Variants in TBRG4 observed in about 807,000 individuals in gnomAD.
The protein encoded by TBRG4 is FAST kinase domain-containing protein 4.
Under a neutral mutation model 65.6 loss-of-function variants are expected in TBRG4, and 43 were observed. The observed-to-expected ratio is 0.66, with a 90% CI of 0.51 to 0.85. The LOEUF is 0.85. Ranked by LOEUF, TBRG4 falls within the 40% of genes least tolerant of loss-of-function variation. TBRG4 has a pLI of 0.00. For missense variants in TBRG4, 709 were observed against 787.9 expected, an observed-to-expected ratio of 0.90 and a Z score of 1.20; for synonymous variants, 366 against 341.4, an observed-to-expected ratio of 1.07 and a Z score of -0.79.
rs1232751847 is a variant in TBRG4 at position 45,111,688 on chromosome 7, C to G, written c.-96G>C. 7.8e-7 allele frequency: 1 copy of G among 1,289,278 alleles called. No individual in the cohort carries two copies. The allele number at this position is 1,289,278 out of a possible 1,614,324, so 79.9% of individuals were successfully genotyped here. Reference sequence around the variant, plus strand: ...CCTCCATCCGCCGCCCTAACTGTCCCCGGAACCATGAGGTGCGCGGCGCGC... The same window carrying G: ...CCTCCATCCGCCGCCCTAACTGTCCGCGGAACCATGAGGTGCGCGGCGCGC... On this transcript the variant is annotated 5_prime_UTR_variant, in exon 1 of 11. Transcript: ENST00000258770.
In TBRG4 at chr7:45,111,640, T is replaced by C. The variant is rs112475532; in HGVS notation, c.-51+3A>G. The C allele has an allele frequency of 9.3e-6, 12 of 1,289,276 alleles. No individual in the cohort carries two copies. In the African/African-American group the frequency reaches 1.7e-4, roughly 18 times the overall value. The allele number at this position is 1,289,276 out of a possible 1,614,324, so 79.9% of individuals were successfully genotyped here. On this transcript the variant is annotated splice_donor_region_variant and intron_variant, in intron 1 of 10. Transcript: ENST00000258770. ...CCCCTTCTCCCCGTGCCACAAGACCTACGCAGCGAGCACCACCGCTGACCT... is the reference window on the plus strand; with the variant it reads ...CCCCTTCTCCCCGTGCCACAAGACCCACGCAGCGAGCACCACCGCTGACCT...
chr7:45,102,818 C>A, intron 6 of TBRG4: 2 of 368,558 alleles, frequency 5.4e-6, no homozygotes, highest in Non-Finnish European at 9.9e-6. Context: ...CAAGTGAGCA[C>A]CTGGGACAAG....
Position 45,102,470 on chromosome 7 carries a change from C to G in TBRG4, c.1198G>C (p.Glu400Gln), listed in dbSNP as rs143509509. 6.8e-6 allele frequency: 11 copies of G among 1,611,612 alleles called. No individual in the cohort carries two copies. In the African/African-American group the frequency reaches 1.2e-4, roughly 18 times the overall value. The change falls in exon 7 of 11, where the codon GAG becomes CAG. Residue 400 changes from glutamate (E) to glutamine (Q), a missense_variant. Glu to Gln is a conservative substitution (Grantham distance 29, BLOSUM62 2). Coordinates refer to ENST00000258770, the MANE Select transcript of TBRG4 (RefSeq NM_004749.4). ...FSLVHEKLGS[E>Q]LPGLEPALQV... ...AGGGCTGGCTCCAGGCCTGGCAGCT[C>G]TGACCCCAGCTTCTCATGTACCTGG...
chr7:45,100,166 T>C lies in TBRG4; in HGVS notation c.*159A>G, dbSNP rs1016838397. ...GTCCAACACCAAAATTAAAGGTTTA[T>C]TATACACAAGAGGACGTTCTGTCCC... On this transcript the variant is annotated 3_prime_UTR_variant, in exon 11 of 11. Transcript: ENST00000258770. The C allele has an allele frequency of 3.3e-6, 2 of 599,134 alleles. No homozygotes were observed. The highest frequency in any genetic ancestry group is 5.8e-6 in the Non-Finnish European group (2 of 342,606). The allele number at this position is 599,134 out of a possible 1,614,324, so 37.1% of individuals were successfully genotyped here.
intron 2 of TBRG4, chr7:45,107,089 T>G (rs1784983989): frequency 6.6e-6 from 1 of 152,042 alleles, no homozygotes; most frequent in African/African-American, 2.4e-5. Flanking sequence ...AGACCCCCGG[T>G]ATCACTAAGC....
At chr7:45,109,353 A>T in intron 1 of TBRG4, 66 bp from the exon 2 acceptor site, 1 of 1,332,244 alleles carries the variant, frequency 7.5e-7, no homozygotes. Context: ...AACTTGAGAA[A>T]TGAAATAGTC....
rs1784777344 is a variant in TBRG4, at chr7:45,101,927, C to A, written c.1465G>T (p.Val489Leu). Residue 489 changes from valine to leucine, a missense_variant, in exon 8 of 11, where the codon GTG (valine) becomes TTG (leucine). Val to Leu is a conservative substitution (Grantham distance 32). Coordinates refer to ENST00000258770, the MANE Select transcript of TBRG4 (RefSeq NM_004749.4). ...APGPSALDRK[V>L]TPLQKELQET... ...TGCAGCTCCTTTTGCAGGGGGGTCA[C>A]CTTCCTGTCAAGGGCTGAGGGCCCA... 1.2e-6 allele frequency: 2 copies of A among 1,610,672 alleles called. No individual in the cohort carries two copies. The highest frequency in any genetic ancestry group is 1.1e-5 in the South Asian group (1 of 90,952).
rs551925609 is a variant in TBRG4, at chr7:45,105,210, T to G, written c.735+231A>C. On this transcript the variant is annotated intron_variant, in intron 3 of 10. Transcript: ENST00000258770. ...AAAGGTGCAATCAGGGAAGCGCCTG[T>G]GTTGGGAGGAGCAAGTGGTGCTTGA... The G allele has an allele frequency of 1.3e-5, 8 of 610,710 alleles. No homozygotes were observed. In the East Asian group the frequency reaches 1.4e-4, roughly 11 times the overall value. 37.8% of individuals were successfully genotyped at this position (610,710 alleles called of 1,614,324 possible).
At position 45,105,753 on chromosome 7, in the gene TBRG4, G is replaced by C; in HGVS notation, c.423C>G (p.Val141=). The change falls in exon 3 of 11, where the codon GTC becomes GTG. Residue 141 remains valine (V), a synonymous_variant. Coordinates refer to ENST00000258770, the MANE Select transcript of TBRG4 (RefSeq NM_004749.4). ...GCAGCTTCGAGAGGGTACCATGCCA[G>C]ACCGAGGCAATCTAGGCAGAGAAAG... ...LCLLNSQIAS[V]WHGTLSKLLG... is the part of the protein sequence containing the mutation. 6.2e-7 allele frequency: 1 copy of C among 1,607,192 alleles called. No individual in the cohort carries two copies. Among genetic ancestry groups the C allele is most frequent in the Non-Finnish European group, 8.5e-7 (1 of 1,175,454 alleles).
At position 45,100,161 on chromosome 7, in the gene TBRG4, G is replaced by A. The variant is rs1270671026; in HGVS notation, c.*164C>T. Reference sequence around the variant, plus strand: ...CAGGGGTCCAACACCAAAATTAAAGGTTTATTATACACAAGAGGACGTTCT... The same window carrying A: ...CAGGGGTCCAACACCAAAATTAAAGATTTATTATACACAAGAGGACGTTCT... On this transcript the variant is annotated 3_prime_UTR_variant, in exon 11 of 11. Coordinates refer to ENST00000258770, the MANE Select transcript of TBRG4 (RefSeq NM_004749.4). 3.4e-6 allele frequency: 2 copies of A among 590,988 alleles called. No homozygotes were observed. The highest frequency in any genetic ancestry group is 1.9e-5 in the African/African-American group (1 of 52,616). 36.6% of individuals were successfully genotyped at this position (590,988 alleles called of 1,614,324 possible).
At chr7:45,105,977 T>C in intron 2 of TBRG4, 1 of 761,736 alleles carries the variant, frequency 1.3e-6, no homozygotes, top group Non-Finnish European at 2.4e-6. Flanking sequence ...TTGGTGTCTG[T>C]AACCAAATTT....
chr7:45,108,163 G>A (rs541071200), intron 2 of TBRG4, among the ~76,000 whole-genome samples: 1 of 152,366 alleles, frequency 6.6e-6, no homozygotes, highest in South Asian at 2.1e-4. Context: ...CATGGTTTCA[G>A]TGCCCCAGCA....
chr7:45,103,254 T>G, intron 6 of TBRG4, 79 bp downstream of exon 6: 4 of 1,224,354 alleles, frequency 3.3e-6, no homozygotes, highest in South Asian at 1.3e-5. Flanking sequence ...TAGCCCGAGC[T>G]GATCTTGGGA....
chr7:45,109,391 T>A, intron 1 of TBRG4, 104 bp from the exon 2 acceptor site: 1 of 977,052 alleles, frequency 1.0e-6, no homozygotes, highest in Non-Finnish European at 1.4e-6. Flanking sequence ...AAAATCAGAC[T>A]AAGTCTTTCT....
intron 5 of TBRG4, 171 bp downstream of exon 5, chr7:45,103,928 T>C: frequency 1.1e-6 from 1 of 928,610 alleles, no homozygotes; most frequent in East Asian, 2.7e-5. Context: ...CAAACACTTT[T>C]TTGAGAACTG....
chr7:45,111,050 AC>A (rs2128647431), intron 1 of TBRG4, among the ~76,000 whole-genome samples: 1 of 152,292 alleles, frequency 6.6e-6, no homozygotes, highest in East Asian at 1.9e-4. Flanking sequence ...ATCTCGAGTC[AC>A]TGCAACCTCA....
At chr7:45,106,403 G>T (rs1784957113) in intron 2 of TBRG4, 1 of 164,958 alleles carries the variant, frequency 6.1e-6, no homozygotes, top group Admixed American at 5.8e-5. Context: ...ATCAATACAA[G>T]AGGTCAGAGA....
At chr7:45,101,431 A>G in intron 9 of TBRG4, 59 bp from the exon 10 acceptor site, 1 of 1,605,904 alleles carries the variant, frequency 6.2e-7, no homozygotes, top group South Asian at 1.1e-5. Flanking sequence ...CGGAGGGGAA[A>G]GATGGAAAGC....
intron 5 of TBRG4, 63 bp from the exon 6 acceptor site, chr7:45,103,506 G>T: frequency 7.3e-7 from 1 of 1,361,220 alleles, no homozygotes; most frequent in Non-Finnish European, 1.0e-6. Flanking sequence ...CTGTCCTCCT[G>T]CCTGGCTCTG....
Sources: gnomAD v4.1 joint callset for allele counts (sites outside exome capture counted in the v4.1 genomes callset) on GRCh38, gnomAD v4.1.1 for gene constraint, MANE v1.5 for transcripts, NCBI Gene and HGNC (gene_info 2026-07-23, HGNC 2026-07-21) for gene names.